SPOCK1: variants seen among roughly 807,000 people sequenced by gnomAD.
SPOCK1 encodes SPARC (osteonectin), cwcv and kazal like domains proteoglycan 1.
Under a neutral mutation model 55.3 loss-of-function variants are expected in SPOCK1, and 23 were observed. That is an observed-to-expected ratio of 0.42 (90% CI 0.30 to 0.59). The LOEUF is 0.59. Ranked by LOEUF, SPOCK1 falls within the 20% of genes least tolerant of loss-of-function variation. The pLI, the probability that SPOCK1 is intolerant of heterozygous loss-of-function variation, is 0.22. For synonymous variants in SPOCK1, 226 were observed against 221.0 expected (o/e 1.02, Z -0.20); for missense variants, 499 against 552.5 (o/e 0.90, Z 0.97).
intron 2 of SPOCK1, among the ~76,000 whole-genome samples, chr5:137,474,185 A>G (rs777062086): frequency 6.6e-6 from 1 of 152,178 alleles, no homozygotes; most frequent in African/African-American, 2.4e-5. Context: ...AAGAAGTTAC[A>G]TAACCAAATA....
intron 6 of SPOCK1, among the ~76,000 whole-genome samples, chr5:137,041,798 C>T (rs555197789): frequency 1.4e-4 from 22 of 152,312 alleles, no homozygotes; most frequent in African/African-American, 5.1e-4. Flanking sequence ...AAACAACTCA[C>T]AATACCAATT....
chr5:137,218,060 T>G (rs1467559564), intron 3 of SPOCK1, among the ~76,000 whole-genome samples: 2 of 152,196 alleles, frequency 1.3e-5, no homozygotes, highest in African/African-American at 4.8e-5. Context: ...CAGACATGGC[T>G]AATCAATTAC....
chr5:137,358,417 G>GGAAGGAAGGAAA (rs1750864646), intron 2 of SPOCK1, among the ~76,000 whole-genome samples: 5 of 135,448 alleles, frequency 3.7e-5, no homozygotes, highest in African/African-American at 1.4e-4. Flanking sequence ...AAGGAAGGAA[G>GGAAGGAAGGAAA]GAAGGAGGAA....
At chr5:137,085,621 C>T (rs1162943188) in intron 5 of SPOCK1, among the ~76,000 whole-genome samples, 3 of 152,296 alleles carry the variant, frequency 2.0e-5, no homozygotes, top group Admixed American at 6.5e-5. Flanking sequence ...CAGGTCTACA[C>T]CCATAACAAA....
At chr5:137,096,725 G>A (rs1753153864) in intron 5 of SPOCK1, among the ~76,000 whole-genome samples, 1 of 152,172 alleles carries the variant, frequency 6.6e-6, no homozygotes, top group East Asian at 1.9e-4. Context: ...TGTAGTCATA[G>A]TATCTTTTTA....
intron 2 of SPOCK1, among the ~76,000 whole-genome samples, chr5:137,334,387 T>C (rs1476308873): frequency 2.0e-5 from 3 of 152,158 alleles, no homozygotes; most frequent in Non-Finnish European, 2.9e-5. Context: ...AACAAGATGT[T>C]TGGGGAGTCC....
intron 4 of SPOCK1, among the ~76,000 whole-genome samples, chr5:137,136,165 CA>C (rs1753979413): frequency 6.6e-6 from 1 of 152,160 alleles, no homozygotes; most frequent in Non-Finnish European, 1.5e-5. Context: ...AAATCTTAGT[CA>C]AACTCAAGGT....
At chr5:137,364,646 A>G (rs1751019138) in intron 2 of SPOCK1, among the ~76,000 whole-genome samples, 1 of 152,162 alleles carries the variant, frequency 6.6e-6, no homozygotes, top group African/African-American at 2.4e-5. Context: ...CTACAGTGGG[A>G]CTGTATGAAA....
At chr5:137,472,902 T>C (rs1418342537) in intron 2 of SPOCK1, among the ~76,000 whole-genome samples, 4 of 152,218 alleles carry the variant, frequency 2.6e-5, no homozygotes, top group Non-Finnish European at 5.9e-5. Flanking sequence ...AAAACTACAC[T>C]GTGATACCAT....
chr5:137,251,988 C>T (rs543742515), intron 3 of SPOCK1, among the ~76,000 whole-genome samples: 6 of 149,462 alleles, frequency 4.0e-5, no homozygotes, highest in Admixed American at 1.3e-4. Context: ...GGTGCAATCT[C>T]AAGCTCAGCT....
At chr5:137,239,164 C>A (rs1222493498) in intron 3 of SPOCK1, among the ~76,000 whole-genome samples, 1 of 152,154 alleles carries the variant, frequency 6.6e-6, no homozygotes, top group Non-Finnish European at 1.5e-5. Flanking sequence ...TCACCAATGA[C>A]CATTAATTTG....
At chr5:137,462,357 A>G (rs1289595957) in intron 2 of SPOCK1, among the ~76,000 whole-genome samples, 1 of 152,166 alleles carries the variant, frequency 6.6e-6, no homozygotes, top group African/African-American at 2.4e-5. Flanking sequence ...TCAGGCATTC[A>G]GCCCAAAGTT....
At chr5:137,462,880 C>T (rs997858399) in intron 2 of SPOCK1, among the ~76,000 whole-genome samples, 6 of 152,022 alleles carry the variant, frequency 3.9e-5, no homozygotes, top group African/African-American at 1.4e-4. Context: ...CTAGAAGGAA[C>T]AGGGAGGGCT....
intron 2 of SPOCK1, among the ~76,000 whole-genome samples, chr5:137,497,514 AG>A (rs1754323960): frequency 6.6e-6 from 1 of 152,214 alleles, no homozygotes; most frequent in Non-Finnish European, 1.5e-5. Flanking sequence ...CAGTCCTTGA[AG>A]AAGCTGGCAG....
chr5:137,456,323 A>G (rs1341365836), intron 2 of SPOCK1, among the ~76,000 whole-genome samples: 1 of 152,208 alleles, frequency 6.6e-6, no homozygotes, highest in African/African-American at 2.4e-5. Context: ...TTACAAAACT[A>G]ACATAACCAA....
chr5:137,251,456 T>C (rs937794826), intron 3 of SPOCK1, among the ~76,000 whole-genome samples: 2 of 152,204 alleles, frequency 1.3e-5, no homozygotes, highest in Non-Finnish European at 2.9e-5. Context: ...TTTTGGCAAG[T>C]GACTTCTCTC....
chr5:137,114,849 T>C (rs1040978542), intron 4 of SPOCK1, among the ~76,000 whole-genome samples: 1 of 152,266 alleles, frequency 6.6e-6, no homozygotes, highest in South Asian at 2.1e-4. Flanking sequence ...ATTCTTGTTA[T>C]GAGTTCCCAG....
intron 6 of SPOCK1, among the ~76,000 whole-genome samples, chr5:137,027,947 G>A (rs1363375134): frequency 6.6e-6 from 1 of 152,184 alleles, no homozygotes; most frequent in African/African-American, 2.4e-5. Context: ...TGTCTATGAG[G>A]CTCTGTGGTC....
intron 3 of SPOCK1, among the ~76,000 whole-genome samples, chr5:137,201,253 G>A (rs1755420570): frequency 6.6e-6 from 1 of 152,150 alleles, no homozygotes. Context: ...GGGGCTCCAT[G>A]GATGGAATGT....
Sources: allele counts gnomAD v4.1 joint callset (sites outside exome capture counted in the v4.1 genomes callset), GRCh38; gene constraint gnomAD v4.1.1; transcripts MANE v1.5; gene names NCBI Gene and HGNC (gene_info 2026-07-23, HGNC 2026-07-21).